The following UTP20 variants were observed in gnomAD, a reference collection of about 807,000 sequenced individuals.
UTP20 encodes the protein small subunit processome component 20 homolog.
Under a neutral mutation model 329.5 loss-of-function variants are expected in UTP20, and 164 were observed. That is an observed-to-expected ratio of 0.50 (90% CI 0.44 to 0.57). The LOEUF (loss-of-function observed/expected upper bound fraction) is 0.57. UTP20 is among the 20% of genes least tolerant of loss of function. The pLI is 0.00. For synonymous variants in UTP20, 1,151 were observed against 1,159.3 expected (o/e 0.99, Z 0.14); for missense variants, 3,055 against 3,284.2 (o/e 0.93, Z 1.71).
chr12:101,374,890 C>A lies in UTP20; in HGVS notation c.7214C>A (p.Thr2405Asn). The A allele has an allele frequency of 6.2e-7, 1 of 1,607,900 alleles. No homozygotes were observed. The highest frequency in any genetic ancestry group is 8.5e-7 in the Non-Finnish European group (1 of 1,174,418). ...GTTGATTTTGAGAAAAGACTTGGAA[C>A]TGTCCTTCCTGTGATTGAAAAGGAA... Reference protein sequence around the residue: ...EGVDFEKRLGTVLPVIEKEID... With the variant: ...EGVDFEKRLGNVLPVIEKEID... The change falls in exon 55 of 62, where the codon ACT (threonine) becomes AAT (asparagine). Residue 2405 changes from threonine (T) to asparagine (N), a missense_variant. Physicochemically the swap from Thr to Asn is moderately conservative, Grantham distance 65 (BLOSUM62 0). Coordinates refer to ENST00000261637, the MANE Select transcript of UTP20 (RefSeq NM_014503.3).
intron 40 of UTP20, among the ~76,000 whole-genome samples, chr12:101,354,420 G>A (rs1195978755): frequency 1.3e-5 from 2 of 152,112 alleles, no homozygotes; most frequent in African/African-American, 2.4e-5. Flanking sequence ...TTGGAAAAGA[G>A]GAATTCCCAC....
At chr12:101,340,904 C>T (rs942903085) in intron 32 of UTP20, among the ~76,000 whole-genome samples, 1 of 134,320 alleles carries the variant, frequency 7.4e-6, no homozygotes, top group Non-Finnish European at 1.6e-5. Context: ...CTTTCTCTAA[C>T]AAGCCTGGAA....
chr12:101,365,443 T>C lies in UTP20; in HGVS notation c.5959-16T>C. 1 of 1,586,354 alleles carries C rather than the reference T, an allele frequency of 6.3e-7. No homozygotes were observed. The highest frequency in any genetic ancestry group is 1.7e-4 in the Middle Eastern group (1 of 5,948). On this transcript the variant is annotated splice_polypyrimidine_tract_variant and intron_variant, in intron 45 of 61. Transcript: ENST00000261637. Reference sequence around the variant, plus strand: ...TTCTGTGTCATCTCAGCATGACATTTATGTTTTGCCTTTAGATCTTACAAA... The same window carrying C: ...TTCTGTGTCATCTCAGCATGACATTCATGTTTTGCCTTTAGATCTTACAAA...
At position 101,366,614 on chromosome 12, in the gene UTP20, T is replaced by C. The variant is rs1377686565; in HGVS notation, c.6182T>C (p.Leu2061Pro). ...PRLPPQSCLL[L>P]PPTPVRGGQK... Reference sequence around the variant, plus strand: ...CTACCACCCCAGAGCTGCCTTCTGCTTCCCCCAACTCCAGTTCGAGGTGGA... The same window carrying C: ...CTACCACCCCAGAGCTGCCTTCTGCCTCCCCCAACTCCAGTTCGAGGTGGA... Residue 2061 changes from leucine to proline, a missense_variant, in exon 47 of 62, where the codon CTT (leucine) becomes CCT (proline). Physicochemically the swap from Leu to Pro is moderately conservative, Grantham distance 98 (BLOSUM62 -3). Coordinates refer to ENST00000261637, the MANE Select transcript of UTP20 (RefSeq NM_014503.3). 1.2e-6 allele frequency: 2 copies of C among 1,614,040 alleles called. No individual in the cohort carries two copies. The highest frequency in any genetic ancestry group is 2.7e-5 in the African/African-American group (2 of 74,914).
intron 31 of UTP20, among the ~76,000 whole-genome samples, chr12:101,339,842 A>C (rs1340034424): frequency 6.6e-6 from 1 of 152,234 alleles, no homozygotes; most frequent in African/African-American, 2.4e-5. Context: ...TGTTACTTAC[A>C]ACAGTGTCAA....
intron 32 of UTP20, among the ~76,000 whole-genome samples, chr12:101,341,300 G>A (rs566624752): frequency 8.7e-5 from 12 of 137,180 alleles, no homozygotes; most frequent in African/African-American, 3.3e-4. Flanking sequence ...CTTAATTGTA[G>A]ATCACAGTGG....
intron 43 of UTP20, among the ~76,000 whole-genome samples, chr12:101,361,628 AAAATAAATAAATAAATAAATAAATAAAT>A (rs60016529): frequency 7.2e-6 from 1 of 139,096 alleles, no homozygotes; most frequent in African/African-American, 2.6e-5. Flanking sequence ...CTCTGTCTCA[AAAATAAATAAATAAATAAATAAATAAAT>A]AAATAAATAA....
intron 12 of UTP20, among the ~76,000 whole-genome samples, chr12:101,297,755 A>C (rs1383253391): frequency 6.6e-6 from 1 of 152,150 alleles, no homozygotes; most frequent in Non-Finnish European, 1.5e-5. Context: ...GTGCAGGGAG[A>C]GTGAAGCTGC....
chr12:101,366,537 C>A (rs754679485), intron 46 of UTP20, 21 bp from the exon 47 acceptor site: 1 of 1,605,208 alleles, frequency 6.2e-7, no homozygotes, highest in South Asian at 1.1e-5. Context: ...TTACCCTCTT[C>A]TCATGCCACG....
At chr12:101,322,139 G>A (rs1039295852) in intron 25 of UTP20, among the ~76,000 whole-genome samples, 6 of 151,942 alleles carry the variant, frequency 3.9e-5, no homozygotes, top group South Asian at 2.1e-4. Flanking sequence ...ACAAGCGTGC[G>A]CCACCATGCC....
intron 46 of UTP20, among the ~76,000 whole-genome samples, chr12:101,365,872 G>A (rs1870081294): frequency 6.6e-6 from 1 of 152,202 alleles, no homozygotes; most frequent in East Asian, 1.9e-4. Flanking sequence ...TTCAAAGATA[G>A]GATAGATTTT....
At chr12:101,341,621 A>G (rs1869138341) in intron 32 of UTP20, among the ~76,000 whole-genome samples, 1 of 152,200 alleles carries the variant, frequency 6.6e-6, no homozygotes, top group Admixed American at 6.5e-5. Context: ...TAGAAACTTT[A>G]ACTGGCAGGG....
intron 12 of UTP20, among the ~76,000 whole-genome samples, chr12:101,296,133 T>C (rs1448896244): frequency 6.6e-6 from 1 of 152,254 alleles, no homozygotes; most frequent in Admixed American, 6.5e-5. Context: ...ATATCATCAG[T>C]TGTATGTGCA....
At chr12:101,319,191 G>A (rs1873070708) in intron 22 of UTP20, among the ~76,000 whole-genome samples, 1 of 152,122 alleles carries the variant, frequency 6.6e-6, no homozygotes. Context: ...CTACTTTCCT[G>A]TCTGCCACAT....
At chr12:101,280,377 C>A in intron 1 of UTP20, 50 bp downstream of exon 1, 1 of 1,549,442 alleles carries the variant, frequency 6.5e-7, no homozygotes, top group South Asian at 1.2e-5. Context: ...CTGCCTCAGT[C>A]GTGAGACAGG....
At chr12:101,370,869 A>C (rs576837422) in intron 50 of UTP20, among the ~76,000 whole-genome samples, 189 bp from the exon 51 acceptor site, 1 of 152,188 alleles carries the variant, frequency 6.6e-6, no homozygotes. Flanking sequence ...AAAATTCACC[A>C]TTTTTACCCA....
Position 101,317,660 on chromosome 12 carries a change from C to G in UTP20, c.2735C>G (p.Ala912Gly), listed in dbSNP as rs1302854275. Residue 912 changes from alanine (A) to glycine (G), a missense_variant, in exon 22 of 62, where the codon GCA becomes GGA. By Grantham distance (60) the Ala-to-Gly change is moderately conservative. Around this residue, in one of 3 missense-constraint regions of UTP20, gnomAD observed 2,445 missense variants for 2,575.5 expected, o/e 0.95. Transcript: ENST00000261637. ...AAGAAAAAGACGAGGAGAGCTGCAGCAAAGTAAGTTCACCATTGCTGAAAG... is the reference window on the plus strand; with the variant it reads ...AAGAAAAAGACGAGGAGAGCTGCAGGAAAGTAAGTTCACCATTGCTGAAAG... ...SQKKKTRRAAAKQLIAHLQVF... is the reference protein window; with the variant it reads ...SQKKKTRRAAGKQLIAHLQVF... 1 of 1,605,802 alleles carries G rather than the reference C, an allele frequency of 6.2e-7. No homozygotes were observed. The highest frequency in any genetic ancestry group is 1.1e-5 in the South Asian group (1 of 89,710).
intron 2 of UTP20, among the ~76,000 whole-genome samples, chr12:101,285,049 A>G (rs946542209): frequency 1.3e-5 from 2 of 152,024 alleles, no homozygotes; most frequent in African/African-American, 2.4e-5. Context: ...CCATTTTCCT[A>G]TTGTCGGATA....
intron 25 of UTP20, among the ~76,000 whole-genome samples, chr12:101,325,841 T>A (rs781500502): frequency 3.2e-4 from 48 of 152,216 alleles, no homozygotes; most frequent in Admixed American, 1.8e-3. Context: ...GAAATTAGGA[T>A]TGGAGAAAAC....
Sources: gnomAD v4.1 joint callset for allele counts (sites outside exome capture counted in the v4.1 genomes callset) on GRCh38, gnomAD v4.1.1 for gene constraint, gnomAD v4.1.1 regional missense constraint, MANE v1.5 for transcripts, NCBI Gene and HGNC (gene_info 2026-07-23, HGNC 2026-07-21) for gene names.